LOXL2: variants seen among roughly 807,000 people sequenced by gnomAD.
LOXL2 encodes the protein lysyl oxidase homolog 2.
A neutral mutation model predicts 93.0 loss-of-function variants in LOXL2; 70 were observed. The ratio of observed to expected loss-of-function variants is 0.75; its 90% CI spans 0.62 to 0.92. The LOEUF is 0.92. Among genes scored for constraint, LOXL2 ranks in the 40% least tolerant of loss-of-function variants. The pLI, the probability that LOXL2 is intolerant of heterozygous loss-of-function variation, is 0.00. For synonymous variants in LOXL2, 438 were observed against 413.2 expected (o/e 1.06, Z -0.73); for missense variants, 973 against 1,054.9 (o/e 0.92, Z 1.08).
intron 1 of LOXL2, among the ~76,000 whole-genome samples, chr8:23,398,531 A>G (rs1800122191): frequency 6.6e-6 from 1 of 152,216 alleles, no homozygotes; most frequent in Non-Finnish European, 1.5e-5. Context: ...GCATCTGCTG[A>G]GTTAGTTCTT....
At chr8:23,332,728 A>C in intron 5 of LOXL2, among the ~76,000 whole-genome samples, 1 of 69,962 alleles carries the variant, frequency 1.4e-5, no homozygotes, top group African/African-American at 6.5e-5. Flanking sequence ...ATACACACAC[A>C]CTCATACACC....
chr8:23,383,866 T>C (rs559045129), intron 1 of LOXL2, among the ~76,000 whole-genome samples: 181 of 152,034 alleles, frequency 1.2e-3, no homozygotes, highest in Non-Finnish European at 2.1e-3. Flanking sequence ...TTCACCGTGT[T>C]AGCCAGGATG....
chr8:23,379,568 C>G (rs1181592599), intron 1 of LOXL2, among the ~76,000 whole-genome samples: 2 of 152,328 alleles, frequency 1.3e-5, no homozygotes, highest in African/African-American at 4.8e-5. Flanking sequence ...CTTCCTTGAG[C>G]TGCGGTGGGC....
chr8:23,341,291 T>C (rs1803879351), intron 3 of LOXL2, 88 bp from the exon 4 acceptor site: 6 of 1,116,900 alleles, frequency 5.4e-6, no homozygotes, highest in African/African-American at 1.5e-5. Flanking sequence ...TTAGCGACTA[T>C]GGGCCAGGCC....
In LOXL2 at chr8:23,396,351, C is replaced by A. The variant is rs200542296; in HGVS notation, c.-84+7603G>T. 3.5e-5 allele frequency among the ~76,000 whole-genome samples: 5 copies of A among 142,492 alleles called. No homozygotes were observed. In the East Asian group the frequency reaches 6.3e-4, roughly 18 times the overall value. The allele number at this position is 142,492 out of a possible 152,430, so 93.5% of individuals were successfully genotyped here. ...ACAAACAAACAAACAAACAAACAAA[C>A]AAAAAAACGAGAGAGAGATCAGGTG... is the stretch of plus-strand genomic sequence containing the variant. On this transcript the variant is annotated intron_variant, in intron 1 of 13. Coordinates refer to ENST00000389131, the MANE Select transcript of LOXL2 (RefSeq NM_002318.3).
intron 9 of LOXL2, 36 bp downstream of exon 9, chr8:23,316,913 G>C: frequency 6.5e-7 from 1 of 1,536,564 alleles, no homozygotes; most frequent in Non-Finnish European, 8.8e-7. Flanking sequence ...TGGTCCCCTT[G>C]GGAGCCCGGT....
chr8:23,352,479 C>T (rs1162786367), intron 3 of LOXL2, among the ~76,000 whole-genome samples: 3 of 152,166 alleles, frequency 2.0e-5, no homozygotes, highest in Admixed American at 2.0e-4. Context: ...GATGAGATTC[C>T]TGGCTGGGAA....
chr8:23,368,455 G>A (rs1039660016), intron 1 of LOXL2, 21 bp from the exon 2 acceptor site: 16 of 921,654 alleles, frequency 1.7e-5, no homozygotes, highest in Middle Eastern at 2.1e-4. Context: ...GGAGAGATGC[G>A]TTAGGATGGG....
chr8:23,374,105 C>A (rs1804545869), intron 1 of LOXL2, among the ~76,000 whole-genome samples: 1 of 123,634 alleles, frequency 8.1e-6, no homozygotes, highest in East Asian at 3.0e-4. Context: ...CCCCCTCCCC[C>A]CACCCCACAA....
chr8:23,381,659 C>T (rs6557663), intron 1 of LOXL2, among the ~76,000 whole-genome samples: 114,684 of 152,204 alleles, frequency 0.75, 43,955 homozygotes, highest in African/African-American at 0.88. Flanking sequence ...CCTTTTTCTA[C>T]TGAGCTTTTC....
At chr8:23,317,288 A>C (rs1803418639) in intron 8 of LOXL2, among the ~76,000 whole-genome samples, 174 bp from the exon 9 acceptor site, 1 of 152,204 alleles carries the variant, frequency 6.6e-6, no homozygotes, top group Non-Finnish European at 1.5e-5. Context: ...TGGCAGAGTG[A>C]GTGGGAATCC....
At position 23,309,684 on chromosome 8, in the gene LOXL2, A is replaced by G. The variant is rs755404856; in HGVS notation, c.1864T>C (p.Trp622Arg). ...RPKNGRHAWI[W>R]HDCHRHYHSM... The stretch of plus-strand genomic sequence containing the variant: ...CAGGCCTACCTGTGACAGTCGTGCC[A>G]GATCCACGCGTGGCGGCCGTTCTTG... The change falls in exon 10 of 14, where the codon TGG becomes CGG. Residue 622 changes from tryptophan to arginine, a missense_variant. Physicochemically the swap from Trp to Arg is moderately radical, Grantham distance 101 (BLOSUM62 -3). Transcript: ENST00000389131. The G allele has an allele frequency of 2.0e-6, 3 of 1,495,552 alleles. No homozygotes were observed. Among genetic ancestry groups the G allele is most frequent in the East Asian group, 2.6e-5 (1 of 38,872 alleles). The allele number at this position is 1,495,552 out of a possible 1,614,324, so 92.6% of individuals were successfully genotyped here.
chr8:23,349,887 CTT>C (rs1275406477), intron 3 of LOXL2, among the ~76,000 whole-genome samples: 1 of 152,040 alleles, frequency 6.6e-6, no homozygotes, highest in Non-Finnish European at 1.5e-5. Flanking sequence ...AGGAGTTTAG[CTT>C]AGCTAGACAT....
At chr8:23,367,324 C>T (rs556793474) in intron 2 of LOXL2, among the ~76,000 whole-genome samples, 3 of 152,292 alleles carry the variant, frequency 2.0e-5, no homozygotes, top group East Asian at 1.9e-4. Context: ...GCTGGGATTA[C>T]AGGTATGAGC....
chr8:23,345,947 A>T (rs1358953837), intron 3 of LOXL2, among the ~76,000 whole-genome samples: 1 of 151,848 alleles, frequency 6.6e-6, no homozygotes, highest in Non-Finnish European at 1.5e-5. Context: ...GGGCGCCTGT[A>T]GTCCCAGCTA....
intron 1 of LOXL2, among the ~76,000 whole-genome samples, chr8:23,394,425 C>T (rs1800061894): frequency 6.8e-6 from 1 of 147,626 alleles, no homozygotes; most frequent in African/African-American, 2.5e-5. Flanking sequence ...AGACAACCAA[C>T]CCAATTAAAA....
intron 6 of LOXL2, among the ~76,000 whole-genome samples, chr8:23,327,809 G>GT (rs1211196806): frequency 3.0e-4 from 45 of 152,074 alleles, no homozygotes; most frequent in Non-Finnish European, 5.7e-4. Flanking sequence ...CCTCCCTTCC[G>GT]TTTTTTTGCT....
intron 1 of LOXL2, among the ~76,000 whole-genome samples, chr8:23,398,664 C>A (rs1470358385): frequency 1.3e-5 from 2 of 152,172 alleles, no homozygotes; most frequent in Non-Finnish European, 2.9e-5. Flanking sequence ...CCTTTATCAT[C>A]ATCAACCAAG....
chr8:23,401,536 A>G (rs1477355054), intron 1 of LOXL2, among the ~76,000 whole-genome samples: 5 of 152,226 alleles, frequency 3.3e-5, no homozygotes, highest in Admixed American at 1.3e-4. Context: ...AAAGGGACAG[A>G]TGACGTACAT....
Sources: allele counts gnomAD v4.1 joint callset (sites outside exome capture counted in the v4.1 genomes callset), GRCh38; gene constraint gnomAD v4.1.1; transcripts MANE v1.5; gene names NCBI Gene and HGNC (gene_info 2026-07-23, HGNC 2026-07-21).